SSPN: variants seen among roughly 807,000 people sequenced by gnomAD.
SSPN encodes the protein sarcospan, also known as K-ras oncogene-associated protein.
SSPN carries 15 observed loss-of-function variants against 19.1 expected under a neutral mutation model. That is an observed-to-expected ratio of 0.78 (90% confidence interval 0.52 to 1.21). SSPN has a LOEUF of 1.21. SSPN is among the 50% of genes most tolerant of loss of function. SSPN has a pLI of 0.00. For missense variants in SSPN, 291 were observed against 314.0 expected (o/e 0.93, Z 0.55); for synonymous variants, 147 against 140.3 (o/e 1.05, Z -0.34).
At chr12:26,184,815 G>A (rs552200400) in intron 1 of SSPN, among the ~76,000 whole-genome samples, 1 of 151,818 alleles carries the variant, frequency 6.6e-6, no homozygotes, top group Non-Finnish European at 1.5e-5. Flanking sequence ...AAACTAAGGG[G>A]TTTTTTTTAC....
chr12:26,139,658 G>GA, intron 1 of SSPN, among the ~76,000 whole-genome samples: 1 of 152,170 alleles, frequency 6.6e-6, no homozygotes, highest in Non-Finnish European at 1.5e-5. Context: ...TAACTAATCT[G>GA]AAAAGCAAAT....
At chr12:26,123,092 T>A (rs1375104017) in intron 1 of SSPN, 2 of 1,606,642 alleles carry the variant, frequency 1.2e-6, no homozygotes, top group Non-Finnish European at 1.7e-6. Context: ...ATTGCAAGAC[T>A]TCTTTGGCGC....
chr12:26,205,435 G>A (rs942534601), intron 1 of SSPN, among the ~76,000 whole-genome samples: 1 of 152,104 alleles, frequency 6.6e-6, no homozygotes, highest in East Asian at 1.9e-4. Flanking sequence ...TACTAAGTGG[G>A]GGAAAAAACA....
chr12:26,160,841 C>T (rs1456292150), intron 1 of SSPN, among the ~76,000 whole-genome samples: 2 of 152,150 alleles, frequency 1.3e-5, no homozygotes, highest in African/African-American at 4.8e-5. Context: ...GGCATGGTGG[C>T]TCACGCCTGC....
At chr12:26,148,644 A>C (rs1342718055) in intron 1 of SSPN, among the ~76,000 whole-genome samples, 1 of 152,194 alleles carries the variant, frequency 6.6e-6, no homozygotes, top group Non-Finnish European at 1.5e-5. Flanking sequence ...GTTTTCTAAA[A>C]CTATGTCTAT....
At chr12:26,172,737 A>T (rs1399868554) in intron 1 of SSPN, among the ~76,000 whole-genome samples, 1 of 150,728 alleles carries the variant, frequency 6.6e-6, no homozygotes, top group African/African-American at 2.4e-5. Context: ...GTTTTTAATC[A>T]TTCTGTTACA....
At chr12:26,151,268 A>G (rs572208815) in intron 1 of SSPN, among the ~76,000 whole-genome samples, 75 of 152,184 alleles carry the variant, frequency 4.9e-4, no homozygotes, top group Non-Finnish European at 1.0e-3. Flanking sequence ...ACCACCAAAC[A>G]TTGCTAAATC....
chr12:26,207,834 T>C (rs988772472), intron 1 of SSPN, among the ~76,000 whole-genome samples: 2 of 152,076 alleles, frequency 1.3e-5, no homozygotes, highest in African/African-American at 4.8e-5. Context: ...CTACAAAAAA[T>C]ACTTTTTGTA....
intron 1 of SSPN, among the ~76,000 whole-genome samples, chr12:26,163,305 AG>A (rs1467580914): frequency 6.6e-6 from 1 of 152,240 alleles, no homozygotes. Context: ...TCAATTGTTA[AG>A]GTAATCTGAA....
rs544894841 is a variant in SSPN at position 26,198,174 on chromosome 12, G to T, written c.279+2223G>T. On this transcript the variant is annotated intron_variant, in intron 1 of 2. Transcript: ENST00000242729. ...TGAATAACTTTGAGTTTTGGGGGGG[G>T]GTTTTTGGAGACAGAGACTTGCTCT... is the stretch of plus-strand genomic sequence containing the variant. 9.4e-5 allele frequency among the ~76,000 whole-genome samples: 14 copies of T among 148,976 alleles called. No homozygotes were observed. The East Asian group carries it at 9.7e-4, about 10-fold the overall frequency.
intron 1 of SSPN, among the ~76,000 whole-genome samples, chr12:26,136,127 T>C (rs1944423687): frequency 6.6e-6 from 1 of 152,270 alleles, no homozygotes; most frequent in Non-Finnish European, 1.5e-5. Flanking sequence ...AGTTTATTTA[T>C]ATAGCACTTA....
intron 1 of SSPN, among the ~76,000 whole-genome samples, chr12:26,141,725 T>C (rs1025557318): frequency 1.3e-5 from 2 of 152,242 alleles, no homozygotes; most frequent in Non-Finnish European, 2.9e-5. Flanking sequence ...ACACATATCA[T>C]TAACATATGA....
chr12:26,146,695 G>A (rs1267002092), intron 1 of SSPN, among the ~76,000 whole-genome samples: 3 of 151,746 alleles, frequency 2.0e-5, no homozygotes, highest in Admixed American at 2.0e-4. Context: ...TGGTGGCATA[G>A]GCCTGTAATT....
upstream of SSPN, among the ~76,000 whole-genome samples, chr12:26,193,371 T>C (rs920170984): frequency 5.3e-5 from 8 of 152,230 alleles, no homozygotes; most frequent in African/African-American, 1.9e-4. Flanking sequence ...ACTCAAATTT[T>C]TTCATCTTTA....
chr12:26,224,072 A>G (rs1945151362), intron 1 of SSPN, among the ~76,000 whole-genome samples: 1 of 152,224 alleles, frequency 6.6e-6, no homozygotes, highest in Non-Finnish European at 1.5e-5. Flanking sequence ...TGGCATATCA[A>G]AAGAACTTAG....
At position 26,233,874 on chromosome 12, in the gene SSPN, G is replaced by C. The variant is rs1945260585; in HGVS notation, c.*2798G>C. 1 of 152,234 alleles carries C rather than the reference G, an allele frequency of 6.6e-6. No homozygotes were observed. The highest frequency in any genetic ancestry group is 2.4e-5 in the African/African-American group (1 of 41,466). The allele number at this position is 152,234 out of a possible 1,614,324, so 9.4% of individuals were successfully genotyped here. A position where few individuals can be genotyped will look rare whatever the true frequency, so the allele number is the denominator to read the frequency against. Reference sequence around the variant, plus strand: ...CTAAATGTACAGACTTTGTAGCCGAGCCCACTCGATCGGTCTGTGCCTTCA... The same window carrying C: ...CTAAATGTACAGACTTTGTAGCCGACCCCACTCGATCGGTCTGTGCCTTCA... On this transcript the variant is annotated 3_prime_UTR_variant, in exon 3 of 3. Transcript: ENST00000242729. The surrounding 1 kb of genome is among the most constrained non-coding windows in gnomAD (Gnocchi z 4.3).
At chr12:26,122,590 G>T (rs1944320473) in intron 1 of SSPN, 2 of 1,116,038 alleles carry the variant, frequency 1.8e-6, no homozygotes, top group Non-Finnish European at 2.2e-6. Context: ...GCGGCGGCAG[G>T]GTCGGGCCCC....
intron 1 of SSPN, chr12:26,126,602 T>C (rs1944366986): frequency 6.6e-6 from 1 of 152,104 alleles, no homozygotes; most frequent in Admixed American, 6.5e-5. Flanking sequence ...GTCACGTGTC[T>C]GCGGGAGTCG....
At chr12:26,124,654 TC>T in intron 1 of SSPN, 2 of 1,612,932 alleles carry the variant, frequency 1.2e-6, no homozygotes, top group Non-Finnish European at 1.7e-6. Flanking sequence ...CATACCACTT[TC>T]TGGAGAAGAA....
Sources: gnomAD v4.1 joint callset for allele counts (sites outside exome capture counted in the v4.1 genomes callset) on GRCh38, gnomAD v4.1.1 for gene constraint, Gnocchi (gnomAD v3.1) non-coding constraint, MANE v1.5 for transcripts, NCBI Gene and HGNC (gene_info 2026-07-23, HGNC 2026-07-21) for gene names.